The following FREM1 variants were observed in gnomAD, a reference collection of about 807,000 sequenced individuals.
FREM1 encodes FRAS1-related extracellular matrix protein 1.
Under a neutral mutation model 210.1 loss-of-function variants are expected in FREM1, and 220 were observed. The observed-to-expected ratio is 1.05, with a 90% CI of 0.94 to 1.17. FREM1 has a LOEUF of 1.17. FREM1 is among the 50% of genes most tolerant of loss of function. The pLI, the probability that FREM1 is intolerant of heterozygous loss-of-function variation, is 0.00. For synonymous variants in FREM1, 1,189 were observed against 980.2 expected (o/e 1.21, Z -3.98); for missense variants, 3,454 against 2,675.5 (o/e 1.29, Z -6.42).
At chr9:14,842,803 G>C in intron 8 of FREM1, 143 bp from the exon 9 acceptor site, 1 of 620,012 alleles carries the variant, frequency 1.6e-6, no homozygotes, top group Non-Finnish European at 2.8e-6. Flanking sequence ...CAGATTGTTA[G>C]TGGGTTCTGG....
chr9:14,753,514 T>G (rs578197974), intron 29 of FREM1, among the ~76,000 whole-genome samples: 30 of 152,210 alleles, frequency 2.0e-4, no homozygotes, highest in Non-Finnish European at 4.0e-4. Context: ...TGTTTGGTAT[T>G]TTTTTGGTTT....
chr9:14,737,338 G>C lies in FREM1; in HGVS notation c.*58C>G. 7.5e-7 allele frequency: 1 copy of C among 1,328,898 alleles called. No homozygotes were observed. 82.3% of individuals were successfully genotyped at this position (1,328,898 alleles called of 1,614,324 possible). ...TGTTTTCTATGGAGCAATATTCACA[G>C]ATCCTGTGAATAAATAGGTGACAAA... On this transcript the variant is annotated 3_prime_UTR_variant, in exon 37 of 37. Transcript: ENST00000380880.
intron 2 of FREM1, 128 bp from the exon 3 acceptor site, chr9:14,864,031 G>A: frequency 1.5e-6 from 1 of 653,270 alleles, no homozygotes; most frequent in Non-Finnish European, 2.8e-6. Context: ...GTGAGTGTGT[G>A]TGTCTTCACC....
At chr9:14,862,000 C>T (rs541605488) in intron 3 of FREM1, among the ~76,000 whole-genome samples, 8 of 152,322 alleles carry the variant, frequency 5.3e-5, no homozygotes, top group South Asian at 2.1e-4. Flanking sequence ...CCACCCGCTC[C>T]GCGCAAGTTC....
chr9:14,896,900 G>C (rs1395774963), intron 1 of FREM1, among the ~76,000 whole-genome samples: 2 of 152,188 alleles, frequency 1.3e-5, no homozygotes, highest in East Asian at 3.9e-4. Context: ...CTCAAGCTGT[G>C]AGGTAACCTT....
chr9:14,887,173 G>C (rs7034661), intron 1 of FREM1, among the ~76,000 whole-genome samples: 15,285 of 152,186 alleles, frequency 0.1, 2,490 homozygotes, highest in African/African-American at 0.34. Flanking sequence ...CTTAGAGAAA[G>C]TGGTTCTCTT....
In FREM1 at chr9:14,770,785, C is replaced by A. The variant is rs370198850; in HGVS notation, c.4879G>T (p.Ala1627Ser). Residue 1627 changes from alanine (A) to serine (S), a missense_variant, in exon 26 of 37, where the codon GCT (alanine) becomes TCT (serine). Transcript: ENST00000380880. The stretch of plus-strand genomic sequence containing the variant: ...GAATGCAAGAGTGTGATACGAGGAG[C>A]TGTTTTGTCCAATTGGTCTACCTGG... ...TIQVDQLDKTAPRITLLHSPS... is the reference protein window; with the variant it reads ...TIQVDQLDKTSPRITLLHSPS... 647 of 1,612,460 alleles carry A rather than the reference C, an allele frequency of 4.0e-4. 6 individuals carry two copies. The South Asian group carries it at 5.2e-3, about 13-fold the overall frequency.
intron 3 of FREM1, among the ~76,000 whole-genome samples, chr9:14,860,563 A>ATGTGTATATATGTGTGTG (rs1564098823): frequency 8.0e-6 from 1 of 125,032 alleles, no homozygotes; most frequent in African/African-American, 3.5e-5. Context: ...ATACACACAT[A>ATGTGTATATATGTGTGTG]TATATACACA....
rs200905844 is a variant in FREM1, at chr9:14,875,114, G to T, written c.-267-5870C>A. Among the ~76,000 whole-genome samples the T allele has an allele frequency of 4.6e-5, 7 of 152,172 alleles. No homozygotes were observed. The South Asian group carries it at 1.2e-3, about 27-fold the overall frequency. ...CTGCCCTTAACATTTTTTCCTTCATGTCAACTTTGGTGAATCTGACAATTA... is the reference window on the plus strand; with the variant it reads ...CTGCCCTTAACATTTTTTCCTTCATTTCAACTTTGGTGAATCTGACAATTA... On this transcript the variant is annotated intron_variant, in intron 1 of 36. Transcript: ENST00000380880.
rs751024562 is a variant in FREM1 at position 14,759,793 on chromosome 9, G to C, written c.5313C>G (p.Asp1771Glu). The C allele has an allele frequency of 6.2e-6, 10 of 1,609,210 alleles. 1 individual carries two copies. Among genetic ancestry groups the C allele is most frequent in the Middle Eastern group, 3.3e-4 (2 of 6,076 alleles). Residue 1771 changes from aspartate to glutamate, a missense_variant, in exon 28 of 37, where the codon GAC becomes GAG. Asp to Glu is a conservative substitution (Grantham distance 45). Coordinates refer to ENST00000380880, the MANE Select transcript of FREM1 (RefSeq NM_001379081.2). ...LEIIRRGYSM[D>E]SAFVGIKVNQ... ...TTACCTTTATACCCACAAAGGCCGA[G>C]TCCATGGAATATCCCCTTCTGATAA...
At chr9:14,830,134 G>A (rs1325926517) in intron 10 of FREM1, among the ~76,000 whole-genome samples, 2 of 152,140 alleles carry the variant, frequency 1.3e-5, no homozygotes, top group African/African-American at 4.8e-5. Flanking sequence ...AGTTTCAAGG[G>A]AAGATGCAAA....
chr9:14,770,539 C>T lies in FREM1; in HGVS notation c.5059+66G>A. 12 of 1,224,594 alleles carry T rather than the reference C, an allele frequency of 9.8e-6. No homozygotes were observed. In the South Asian group the frequency reaches 1.3e-4, roughly 14 times the overall value. 75.9% of individuals were successfully genotyped at this position (1,224,594 alleles called of 1,614,324 possible). Reference sequence around the variant, plus strand: ...AATGGGCCTGCACTTAATTAAATTACTCTCTAGCCCTGCCAGCCACTGGGT... The same window carrying T: ...AATGGGCCTGCACTTAATTAAATTATTCTCTAGCCCTGCCAGCCACTGGGT... On this transcript the variant is annotated intron_variant, in intron 26 of 36. Transcript: ENST00000380880.
In FREM1 at chr9:14,797,642, C is replaced by T; in HGVS notation, c.3695G>A (p.Gly1232Glu). The T allele has an allele frequency of 6.2e-7, 1 of 1,607,846 alleles. No homozygotes were observed. Among genetic ancestry groups the T allele is most frequent in the Non-Finnish European group, 8.5e-7 (1 of 1,177,034 alleles). Reference protein sequence around the residue: ...HSFSMELLKTGMRLTYMHDDS... With the variant: ...HSFSMELLKTEMRLTYMHDDS... The stretch of plus-strand genomic sequence containing the variant: ...ATCATGCATGTACGTCAACCTCATT[C>T]CTGGAAGAAGGAAAAAAAATAAGTA... The change falls in exon 21 of 37, where the codon GGA becomes GAA. Residue 1232 changes from glycine to glutamate, a missense_variant and splice_region_variant. Transcript: ENST00000380880.
Position 14,868,774 on chromosome 9 carries a change from T to G in FREM1, c.204A>C (p.Ile68=). ...CKVEVVMNEP[I]TQRVGKLTPQ... is the part of the protein sequence containing the mutation. ...GAGTGAGTTTCCCAACCCTCTGGGT[T>G]ATTGGCTCATTCATCACAACTTCCA... Residue 68 remains isoleucine (I), a synonymous_variant, in exon 2 of 37, where the codon ATA becomes ATC. Coordinates refer to ENST00000380880, the MANE Select transcript of FREM1 (RefSeq NM_001379081.2). The G allele has an allele frequency of 6.2e-7, 1 of 1,612,636 alleles. No individual in the cohort carries two copies. The highest frequency in any genetic ancestry group is 8.5e-7 in the Non-Finnish European group (1 of 1,179,346).
intron 1 of FREM1, among the ~76,000 whole-genome samples, chr9:14,876,068 G>T (rs1564146734): frequency 6.6e-6 from 1 of 152,158 alleles, no homozygotes; most frequent in African/African-American, 2.4e-5. Context: ...GGCCGTGTGA[G>T]GTGTCAGTCT....
At chr9:14,768,371 C>G (rs549249974) in intron 27 of FREM1, among the ~76,000 whole-genome samples, 1 of 145,536 alleles carries the variant, frequency 6.9e-6, no homozygotes, top group South Asian at 2.2e-4. Flanking sequence ...ATTTGTCTGA[C>G]ATTGCAAGTA....
rs1417524323 is a variant in FREM1, at chr9:14,866,722, C to G, written c.234+2022G>C. Among the ~76,000 whole-genome samples, 4 of 152,244 alleles carry G rather than the reference C, an allele frequency of 2.6e-5. No homozygotes were observed. In the East Asian group the frequency reaches 7.7e-4, roughly 29 times the overall value. ...AAAAATATATTGATTGGAAGAGGTA[C>G]CATATTATCAATCACCAGTCTTTAT... On this transcript the variant is annotated intron_variant, in intron 2 of 36. Transcript: ENST00000380880.
rs1253159143 is a variant in FREM1, at chr9:14,763,278, C to T, written c.5205-3377G>A. On this transcript the variant is annotated intron_variant, in intron 27 of 36. Transcript: ENST00000380880. ...GTCCTCCTCGCATTAGATGTAGGAGCACCACTTCCCTCCAGTCACGACAGC... is the reference window on the plus strand; with the variant it reads ...GTCCTCCTCGCATTAGATGTAGGAGTACCACTTCCCTCCAGTCACGACAGC... Among the ~76,000 whole-genome samples the T allele has an allele frequency of 2.0e-5, 3 of 152,166 alleles. No homozygotes were observed. In the East Asian group the frequency reaches 5.8e-4, roughly 29 times the overall value.
intron 14 of FREM1, among the ~76,000 whole-genome samples, chr9:14,818,014 A>G (rs191585224): frequency 1.5e-3 from 224 of 152,286 alleles, no homozygotes; most frequent in African/African-American, 5.1e-3. Flanking sequence ...TTCTTTCAAA[A>G]TCTGACCCCT....
Sources: gnomAD v4.1 joint callset for allele counts (sites outside exome capture counted in the v4.1 genomes callset) on GRCh38, gnomAD v4.1.1 for gene constraint, MANE v1.5 for transcripts, NCBI Gene and HGNC (gene_info 2026-07-23, HGNC 2026-07-21) for gene names.